The following ZNF705G variants were observed in gnomAD, a reference collection of about 807,000 sequenced individuals.
ZNF705G encodes zinc finger protein 705G, also known as putative zinc finger protein 705G.
ZNF705G carries 23 observed loss-of-function variants against 19.6 expected under a neutral mutation model. The ratio of observed to expected loss-of-function variants is 1.17; its 90% CI spans 0.84 to 1.66. The LOEUF (loss-of-function observed/expected upper bound fraction) is 1.66. Among genes scored for constraint, ZNF705G ranks in the 40% most tolerant of loss-of-function variants. ZNF705G has a pLI of 0.00. For synonymous variants in ZNF705G, 146 were observed against 117.7 expected (o/e 1.24, Z -1.56); for missense variants, 457 against 354.4 (o/e 1.29, Z -2.32).
chr8:7,369,529 G>A (rs1391777800), intron 2 of ZNF705G, among the ~76,000 whole-genome samples: 1 of 149,542 alleles, frequency 6.7e-6, no homozygotes, highest in African/African-American at 2.6e-5. Context: ...GCCCTTGACA[G>A]CAGCCATGGG....
chr8:7,360,051 G>A (rs1249048879), intron 5 of ZNF705G, among the ~76,000 whole-genome samples, 186 bp downstream of exon 5: 2 of 149,328 alleles, frequency 1.3e-5, no homozygotes, highest in Non-Finnish European at 2.9e-5. Flanking sequence ...AAAAAAAAGA[G>A]GACACAAGAG....
intron 1 of ZNF705G, 148 bp from the exon 2 acceptor site, chr8:7,381,749 G>A (rs1230673505): frequency 6.7e-6 from 1 of 149,190 alleles, no homozygotes; most frequent in Non-Finnish European, 1.5e-5. Context: ...ACTAGAGGGT[G>A]GAGGGAGGAG....
intron 6 of ZNF705G, 63 bp downstream of exon 6, chr8:7,359,556 C>G: frequency 1.9e-6 from 3 of 1,595,252 alleles, no homozygotes; most frequent in Non-Finnish European, 2.6e-6. Flanking sequence ...TGCTTCATTA[C>G]TAACTTAATC....
intron 6 of ZNF705G, 42 bp downstream of exon 6, chr8:7,359,577 T>A: frequency 1.2e-6 from 2 of 1,603,010 alleles, no homozygotes; most frequent in Non-Finnish European, 1.7e-6. Context: ...CATTAACATG[T>A]CTTTAACTTA....
At chr8:7,366,898 G>C (rs1468459780) in intron 2 of ZNF705G, among the ~76,000 whole-genome samples, 1 of 149,632 alleles carries the variant, frequency 6.7e-6, no homozygotes, top group African/African-American at 2.6e-5. Context: ...CCACACATAT[G>C]TAGTTACAGA....
intron 4 of ZNF705G, 113 bp downstream of exon 4, chr8:7,360,997 G>A (rs866552277): frequency 1.3e-6 from 2 of 1,568,884 alleles, no homozygotes; most frequent in African/African-American, 2.9e-5. Flanking sequence ...GATGAGATCT[G>A]TGAGAGAATC....
intron 1 of ZNF705G, among the ~76,000 whole-genome samples, chr8:7,383,937 G>A (rs1205502518): frequency 7.1e-6 from 1 of 141,278 alleles, no homozygotes; most frequent in Non-Finnish European, 1.5e-5. Context: ...AAAGAAGGAA[G>A]GAAGGCAGGG....
In ZNF705G at chr8:7,375,120, A is replaced by C. The variant is rs1807206807; in HGVS notation, c.-72+6332T>G. ...GTGTGATATTGAGGTTTGGGGTATGAATAACTCTGTCACGCAGGTAGGGTG... is the reference window on the plus strand; with the variant it reads ...GTGTGATATTGAGGTTTGGGGTATGCATAACTCTGTCACGCAGGTAGGGTG... On this transcript the variant is annotated intron_variant, in intron 2 of 6. Coordinates refer to ENST00000400156, the MANE Select transcript of ZNF705G (RefSeq NM_001164457.3). 2.1e-5 allele frequency among the ~76,000 whole-genome samples: 2 copies of C among 94,236 alleles called. 1 individual carries two copies. Among genetic ancestry groups the C allele is most frequent in the Non-Finnish European group, 4.2e-5 (2 of 48,086 alleles). The allele number at this position is 94,236 out of a possible 152,430, so 61.8% of individuals were successfully genotyped here.
chr8:7,365,088 A>G (rs1369920499), intron 2 of ZNF705G, among the ~76,000 whole-genome samples: 1 of 149,764 alleles, frequency 6.7e-6, no homozygotes, highest in Non-Finnish European at 1.5e-5. Flanking sequence ...AAGGACAAAT[A>G]TTATAAGAAA....
chr8:7,371,251 A>C lies in ZNF705G; in HGVS notation c.-71-8234T>G, dbSNP rs1346123349. Among the ~76,000 whole-genome samples, 3 of 102,602 alleles carry C rather than the reference A, an allele frequency of 2.9e-5. 1 individual carries two copies. The highest frequency in any genetic ancestry group is 2.2e-4 in the Admixed American group (2 of 8,908). 67.3% of individuals were successfully genotyped at this position (102,602 alleles called of 152,430 possible). Reference sequence around the variant, plus strand: ...ACTATATGATTTCACTTGTATTTGAAATCTAAAATCGACAAACTCACAAAA... The same window carrying C: ...ACTATATGATTTCACTTGTATTTGACATCTAAAATCGACAAACTCACAAAA... On this transcript the variant is annotated intron_variant, in intron 2 of 6. Transcript: ENST00000400156.
chr8:7,361,376 T>G (rs1219457956), intron 3 of ZNF705G, 140 bp from the exon 4 acceptor site: 139 of 1,419,242 alleles, frequency 9.8e-5, no homozygotes, highest in Non-Finnish European at 1.2e-4. Flanking sequence ...TTCTCAGTAC[T>G]AAGCTGGTAT....
intron 2 of ZNF705G, among the ~76,000 whole-genome samples, chr8:7,367,769 T>C (rs1585418253): frequency 6.7e-6 from 1 of 149,732 alleles, no homozygotes; most frequent in East Asian, 1.9e-4. Context: ...TACCGCTCAG[T>C]CTCTTTTTCC....
intron 3 of ZNF705G, 114 bp downstream of exon 3, chr8:7,362,821 A>T: frequency 6.3e-7 from 1 of 1,585,824 alleles, no homozygotes; most frequent in Non-Finnish European, 8.5e-7. Flanking sequence ...TACATCATAA[A>T]AACAAACAAA....
intron 6 of ZNF705G, 147 bp downstream of exon 6, chr8:7,359,472 A>T (rs1176492983): frequency 1.4e-6 from 2 of 1,401,882 alleles, no homozygotes; most frequent in African/African-American, 1.8e-5. Flanking sequence ...TGTATTCACT[A>T]AATTCAAAGT....
intron 2 of ZNF705G, among the ~76,000 whole-genome samples, chr8:7,380,396 C>T (rs1807435243): frequency 6.8e-6 from 1 of 147,552 alleles, no homozygotes; most frequent in South Asian, 2.1e-4. Flanking sequence ...TGAGTATGAG[C>T]CCACCCAGCC....
chr8:7,374,161 G>GA (rs1341537413), intron 2 of ZNF705G, among the ~76,000 whole-genome samples: 2 of 106,816 alleles, frequency 1.9e-5, no homozygotes, highest in Non-Finnish European at 3.9e-5. Flanking sequence ...TCTAAAGCCT[G>GA]AAAAAAGGTG....
At chr8:7,365,130 T>C (rs1340788525) in intron 2 of ZNF705G, among the ~76,000 whole-genome samples, 1 of 149,656 alleles carries the variant, frequency 6.7e-6, no homozygotes, top group African/African-American at 2.6e-5. Context: ...AAAGGACTCT[T>C]GTGTGGAATC....
At chr8:7,378,628 C>A (rs1285417368) in intron 2 of ZNF705G, among the ~76,000 whole-genome samples, 2 of 123,862 alleles carry the variant, frequency 1.6e-5, no homozygotes, top group Non-Finnish European at 3.1e-5. Flanking sequence ...TTTCTTCCTG[C>A]ACCTTTATCC....
At chr8:7,380,326 G>T (rs1489632928) in intron 2 of ZNF705G, among the ~76,000 whole-genome samples, 4 of 147,272 alleles carry the variant, frequency 2.7e-5, no homozygotes, top group Non-Finnish European at 5.9e-5. Flanking sequence ...TGTCCAGGAG[G>T]CTGGGGATCA....
Sources: gnomAD v4.1 joint callset for allele counts (sites outside exome capture counted in the v4.1 genomes callset) on GRCh38, gnomAD v4.1.1 for gene constraint, MANE v1.5 for transcripts, NCBI Gene and HGNC (gene_info 2026-07-23, HGNC 2026-07-21) for gene names.